Variants in PSD3 observed in about 807,000 individuals in gnomAD.
The protein encoded by PSD3 is pleckstrin and Sec7 domain containing 3, also known as PH and SEC7 domain-containing protein 3.
In PSD3, 49 loss-of-function variants were observed where a neutral mutation model predicts 105.5. That is an observed-to-expected ratio of 0.46 (90% CI 0.37 to 0.59). The LOEUF is 0.59. PSD3 is among the 20% of genes least tolerant of loss of function. The pLI is 0.00. For synonymous variants in PSD3, 557 were observed against 457.8 expected (o/e 1.22, Z -2.77); for missense variants, 1,561 against 1,263.8 (o/e 1.24, Z -3.57).
rs138935891 is a variant in PSD3, at chr8:18,555,324, C to A, written c.2928+885G>T. Among the ~76,000 whole-genome samples the A allele has an allele frequency of 5.1e-4, 78 of 151,508 alleles. No homozygotes were observed. In the East Asian group the frequency reaches 0.014, roughly 28 times the overall value. ...TAAATTTCAAGCCTGAGGAGGAAAT[C>A]AGATAAGATGAAAACAAAGGAGAGG... On this transcript the variant is annotated intron_variant, in intron 15 of 15. Coordinates refer to ENST00000327040, the MANE Select transcript of PSD3 (RefSeq NM_015310.4).
intron 9 of PSD3, among the ~76,000 whole-genome samples, chr8:18,754,341 G>C (rs1177828162): frequency 6.6e-6 from 1 of 152,084 alleles, no homozygotes. Context: ...CTGAGATCAC[G>C]CCACTGCATT....
chr8:19,061,039 A>G (rs1280798416), intron 1 of PSD3, among the ~76,000 whole-genome samples: 1 of 152,150 alleles, frequency 6.6e-6, no homozygotes, highest in East Asian at 1.9e-4. Flanking sequence ...GGTTTCCTTC[A>G]CAGCCTTGGC....
chr8:19,040,359 CA>C (rs1828080349), intron 1 of PSD3, among the ~76,000 whole-genome samples: 3 of 152,120 alleles, frequency 2.0e-5, no homozygotes, highest in Non-Finnish European at 4.4e-5. Context: ...CACGCGCCAC[CA>C]CCCCTGGCTA....
intron 4 of PSD3, among the ~76,000 whole-genome samples, chr8:18,816,733 G>A (rs1258822510): frequency 6.6e-6 from 1 of 152,144 alleles, no homozygotes; most frequent in Non-Finnish European, 1.5e-5. Flanking sequence ...CTCTGTTCCT[G>A]CCTTTCACCC....
At chr8:18,969,409 C>G (rs983271771) in intron 1 of PSD3, among the ~76,000 whole-genome samples, 6 of 152,172 alleles carry the variant, frequency 3.9e-5, no homozygotes, top group African/African-American at 1.4e-4. Flanking sequence ...TAGAAATCAA[C>G]GGTACACCAT....
chr8:18,836,062 A>C (rs1426729338), intron 4 of PSD3, among the ~76,000 whole-genome samples: 1 of 152,192 alleles, frequency 6.6e-6, no homozygotes, highest in South Asian at 2.1e-4. Flanking sequence ...CACAGTTGAG[A>C]TATGAATGTA....
At chr8:18,899,326 G>C (rs561620268) in intron 2 of PSD3, among the ~76,000 whole-genome samples, 4 of 151,982 alleles carry the variant, frequency 2.6e-5, no homozygotes, top group African/African-American at 9.7e-5. Flanking sequence ...TTTCTTGATT[G>C]GCTCAAATGT....
chr8:18,796,665 A>C (rs1464350674), intron 8 of PSD3, among the ~76,000 whole-genome samples: 2 of 152,200 alleles, frequency 1.3e-5, no homozygotes, highest in African/African-American at 2.4e-5. Context: ...ATCTCCCAAG[A>C]GGGGAGTCAG....
chr8:18,710,767 C>G (rs556938498), intron 9 of PSD3, among the ~76,000 whole-genome samples: 1 of 152,032 alleles, frequency 6.6e-6, no homozygotes, highest in Non-Finnish European at 1.5e-5. Flanking sequence ...CTGCAACGTC[C>G]AACTCCCAGG....
At chr8:18,538,836 T>C (rs1475754836) in intron 15 of PSD3, among the ~76,000 whole-genome samples, 1 of 152,078 alleles carries the variant, frequency 6.6e-6, no homozygotes, top group East Asian at 1.9e-4. Flanking sequence ...AGTGTGTCAA[T>C]CAACAAACAA....
chr8:18,910,886 AGGCCAGGCTG>A (rs1820174121), intron 2 of PSD3, among the ~76,000 whole-genome samples: 2 of 152,010 alleles, frequency 1.3e-5, no homozygotes, highest in South Asian at 4.2e-4. Flanking sequence ...GTTCAAGGCC[AGGCCAGGCTG>A]GGTAACATAG....
At chr8:18,569,240 T>A (rs1190364665) in intron 14 of PSD3, among the ~76,000 whole-genome samples, 2 of 128,698 alleles carry the variant, frequency 1.6e-5, no homozygotes, top group South Asian at 6.1e-4. Flanking sequence ...GATGGCTGGG[T>A]CAAATGGTAT....
chr8:18,651,659 ACTG>A lies in PSD3; in HGVS notation c.2216+3980_2216+3982del, dbSNP rs576635556. ...CAAATAACCATAATGGGGTGTAGAA[ACTG>A]CTGGTGTCATCAGATAAAGTAAAAT... On this transcript the variant is annotated intron_variant, in intron 10 of 15. Coordinates refer to ENST00000327040, the MANE Select transcript of PSD3 (RefSeq NM_015310.4). Among the ~76,000 whole-genome samples, 6 of 152,294 alleles carry A rather than the reference ACTG, an allele frequency of 3.9e-5. No homozygotes were observed. In the South Asian group the frequency reaches 1.2e-3, roughly 32 times the overall value.
chr8:18,796,205 T>C (rs1345062052), intron 8 of PSD3, among the ~76,000 whole-genome samples: 1 of 152,136 alleles, frequency 6.6e-6, no homozygotes, highest in Non-Finnish European at 1.5e-5. Context: ...TTGTTTTTTA[T>C]CTAGCCTAAT....
At chr8:18,566,924 G>T (rs1229709160) in intron 14 of PSD3, among the ~76,000 whole-genome samples, 1 of 152,128 alleles carries the variant, frequency 6.6e-6, no homozygotes, top group Admixed American at 6.5e-5. Context: ...GTGTGTGCTT[G>T]CCTGTTCTGG....
intron 9 of PSD3, among the ~76,000 whole-genome samples, 192 bp from the exon 10 acceptor site, chr8:18,655,877 A>T (rs1186699967): frequency 6.6e-6 from 1 of 152,214 alleles, no homozygotes; most frequent in Non-Finnish European, 1.5e-5. Flanking sequence ...ACGTTTCATG[A>T]AACAAAGAAA....
At chr8:18,893,699 ATCAGAACTCCAG>A (rs1406391835) in intron 2 of PSD3, among the ~76,000 whole-genome samples, 37 of 152,080 alleles carry the variant, frequency 2.4e-4, no homozygotes, top group South Asian at 1.2e-3. Flanking sequence ...GGGAAGCAGG[ATCAGAACTCCAG>A]GCCCAGGCCC....
intron 12 of PSD3, among the ~76,000 whole-genome samples, chr8:18,594,132 T>TTA (rs1161849382): frequency 2.6e-5 from 2 of 77,100 alleles, no homozygotes; most frequent in East Asian, 3.4e-4. Flanking sequence ...ATAATATATA[T>TTA]TATATATATA....
chr8:18,608,865 T>G (rs1805052001), intron 11 of PSD3, among the ~76,000 whole-genome samples: 1 of 152,170 alleles, frequency 6.6e-6, no homozygotes, highest in African/African-American at 2.4e-5. Context: ...GAACTGGAAA[T>G]GGATTGTGTT....
Sources: allele counts gnomAD v4.1 joint callset (sites outside exome capture counted in the v4.1 genomes callset), GRCh38; gene constraint gnomAD v4.1.1; transcripts MANE v1.5; gene names NCBI Gene and HGNC (gene_info 2026-07-23, HGNC 2026-07-21).